Variants in SPATA17 observed in about 807,000 individuals in gnomAD.
The protein encoded by SPATA17 is spermatogenesis associated 17.
Under a neutral mutation model 62.2 loss-of-function variants are expected in SPATA17, and 53 were observed. The observed-to-expected ratio is 0.85, with a 90% CI of 0.68 to 1.07. The LOEUF is 1.07. Among genes scored for constraint, SPATA17 ranks in the 50% least tolerant of loss-of-function variants. The pLI is 0.00. For missense variants in SPATA17, 466 were observed against 425.5 expected, an observed-to-expected ratio of 1.10 and a Z score of -0.84; for synonymous variants, 146 against 146.8, an observed-to-expected ratio of 0.99 and a Z score of 0.04.
At chr1:217,830,715 A>G (rs544457843) in intron 9 of SPATA17, among the ~76,000 whole-genome samples, 20 of 152,230 alleles carry the variant, frequency 1.3e-4, no homozygotes, top group African/African-American at 4.3e-4. Context: ...GAATGCTGCC[A>G]TTTGTAACAT....
intron 5 of SPATA17, among the ~76,000 whole-genome samples, chr1:217,728,804 G>A (rs951350187): frequency 3.3e-5 from 5 of 152,020 alleles, no homozygotes; most frequent in African/African-American, 9.7e-5. Flanking sequence ...GCAGTTTCAC[G>A]ATTTATCTAT....
chr1:217,832,456 A>T (rs1675162983), intron 9 of SPATA17, among the ~76,000 whole-genome samples: 2 of 152,144 alleles, frequency 1.3e-5, no homozygotes, highest in African/African-American at 4.8e-5. Context: ...GACAATAAAA[A>T]TGGATCTGAA....
At chr1:217,711,088 A>ACATATTTATACCTGTTAATCAG (rs1671851239) in intron 5 of SPATA17, among the ~76,000 whole-genome samples, 1 of 152,182 alleles carries the variant, frequency 6.6e-6, no homozygotes, top group African/African-American at 2.4e-5. Flanking sequence ...AGATGTTTCC[A>ACATATTTATACCTGTTAATCAG]CTTTTTGGAT....
chr1:217,774,181 CTT>C (rs1673529275), intron 6 of SPATA17, among the ~76,000 whole-genome samples, 151 bp from the exon 7 acceptor site: 1 of 152,148 alleles, frequency 6.6e-6, no homozygotes, highest in Non-Finnish European at 1.5e-5. Context: ...TGTAAAATCT[CTT>C]TAGGTAAATC....
intron 1 of SPATA17, among the ~76,000 whole-genome samples, chr1:217,646,842 C>T (rs1255498269): frequency 4.6e-5 from 7 of 151,658 alleles, no homozygotes; most frequent in Admixed American, 1.3e-4. Flanking sequence ...TGCAGTGAGC[C>T]GAGATCACAC....
In SPATA17 at chr1:217,870,866, G is replaced by A. The variant is rs946541563; in HGVS notation, c.*3847G>A. ...ATTGTCTTTCTTGATAAATGCCCTGGACCCAACATCTAACAGAATACCTGG... is the reference window on the plus strand; with the variant it reads ...ATTGTCTTTCTTGATAAATGCCCTGAACCCAACATCTAACAGAATACCTGG... On this transcript the variant is annotated 3_prime_UTR_variant, in exon 11 of 11. Transcript: ENST00000366933. 3 of 152,052 alleles carry A rather than the reference G, an allele frequency of 2.0e-5. No individual in the cohort carries two copies. Among genetic ancestry groups the A allele is most frequent in the African/African-American group, 7.2e-5 (3 of 41,402 alleles). The allele number at this position is 152,052 out of a possible 1,614,324, so 9.4% of individuals were successfully genotyped here.
At chr1:217,859,156 T>C (rs1036939380) in intron 9 of SPATA17, among the ~76,000 whole-genome samples, 3 of 146,688 alleles carry the variant, frequency 2.0e-5, no homozygotes, top group Non-Finnish European at 4.5e-5. Context: ...ATTTTATATA[T>C]AATATATAAA....
intron 9 of SPATA17, among the ~76,000 whole-genome samples, chr1:217,835,171 C>T (rs1558070341): frequency 6.6e-6 from 1 of 152,068 alleles, no homozygotes; most frequent in Non-Finnish European, 1.5e-5. Flanking sequence ...TGTTAAGGAC[C>T]ATGTGACTAT....
Position 217,664,118 on chromosome 1 carries a change from C to T in SPATA17, c.241-4915C>T, listed in dbSNP as rs570794012. Among the ~76,000 whole-genome samples the T allele has an allele frequency of 2.0e-5, 3 of 151,908 alleles. No individual in the cohort carries two copies. The South Asian group carries it at 6.3e-4, about 32-fold the overall frequency. ...CAGTCAAAGTTGACAACGTCTGGAGCATGTTTTGAGAATATAAGGCTAAAC... is the reference window on the plus strand; with the variant it reads ...CAGTCAAAGTTGACAACGTCTGGAGTATGTTTTGAGAATATAAGGCTAAAC... On this transcript the variant is annotated intron_variant, in intron 3 of 10. Transcript: ENST00000366933.
intron 6 of SPATA17, among the ~76,000 whole-genome samples, chr1:217,765,173 G>A (rs1366540192): frequency 6.7e-6 from 1 of 149,968 alleles, no homozygotes; most frequent in South Asian, 2.1e-4. Context: ...TTTTTTGTTT[G>A]CCTGGATAGA....
intron 6 of SPATA17, among the ~76,000 whole-genome samples, chr1:217,765,211 A>G (rs886854263): frequency 4.6e-5 from 7 of 151,770 alleles, no homozygotes; most frequent in Non-Finnish European, 7.4e-5. Context: ...TATCTTTCCA[A>G]AGAACCAGCT....
At chr1:217,666,142 C>T (rs756813737) in intron 3 of SPATA17, among the ~76,000 whole-genome samples, 25 of 152,016 alleles carry the variant, frequency 1.6e-4, no homozygotes, top group Non-Finnish European at 3.1e-4. Flanking sequence ...TTCATCTTCC[C>T]CTTTAAAGTA....
In SPATA17 at chr1:217,774,515, C is replaced by A. The variant is rs1261859168; in HGVS notation, c.701C>A (p.Pro234His). 2.5e-6 allele frequency: 4 copies of A among 1,613,684 alleles called. No homozygotes were observed. The African/African-American group carries it at 5.3e-5, about 22-fold the overall frequency. The change falls in exon 7 of 11, where the codon CCT becomes CAT. Residue 234 changes from proline (P) to histidine (H), a missense_variant. Transcript: ENST00000366933. ...RSFPRSEILP[P>H]INRKQCQGPF... Reference sequence around the variant, plus strand: ...TTTCCTCGGTCTGAAATTCTACCACCTATTAATAGAAAGCAATGTCAGGTA... The same window carrying A: ...TTTCCTCGGTCTGAAATTCTACCACATATTAATAGAAAGCAATGTCAGGTA...
At chr1:217,796,226 G>A (rs1053823122) in intron 8 of SPATA17, among the ~76,000 whole-genome samples, 13 of 152,034 alleles carry the variant, frequency 8.6e-5, no homozygotes, top group South Asian at 4.2e-4. Flanking sequence ...ATTTAGTTGC[G>A]GCCTTTAACT....
chr1:217,834,528 C>A (rs1675217974), intron 9 of SPATA17, among the ~76,000 whole-genome samples: 1 of 151,850 alleles, frequency 6.6e-6, no homozygotes, highest in Non-Finnish European at 1.5e-5. Context: ...GTATTTATGT[C>A]TTATTTTTTA....
chr1:217,833,866 C>A (rs576520781), intron 9 of SPATA17, among the ~76,000 whole-genome samples: 2 of 152,172 alleles, frequency 1.3e-5, no homozygotes, highest in South Asian at 4.1e-4. Context: ...CCATTTTGTA[C>A]AACAATGCAT....
chr1:217,781,347 T>G (rs1673722317), intron 7 of SPATA17: 1 of 152,204 alleles, frequency 6.6e-6, no homozygotes, highest in Non-Finnish European at 1.5e-5. Context: ...CATTTAATAT[T>G]ACTTCTCTCC....
chr1:217,719,632 G>C (rs1048573998), intron 5 of SPATA17, among the ~76,000 whole-genome samples: 1 of 152,180 alleles, frequency 6.6e-6, no homozygotes, highest in African/African-American at 2.4e-5. Flanking sequence ...TTTGAACTGA[G>C]AAAATATAAT....
intron 8 of SPATA17, among the ~76,000 whole-genome samples, chr1:217,799,906 G>T (rs934668755): frequency 7.9e-5 from 12 of 151,668 alleles, no homozygotes; most frequent in African/African-American, 2.7e-4. Flanking sequence ...TTTCTCAGGA[G>T]AATATTTTAT....
Sources: gnomAD v4.1 joint callset for allele counts (sites outside exome capture counted in the v4.1 genomes callset) on GRCh38, gnomAD v4.1.1 for gene constraint, MANE v1.5 for transcripts, NCBI Gene and HGNC (gene_info 2026-07-23, HGNC 2026-07-21) for gene names.